Variants in CHN2 observed in about 807,000 individuals in gnomAD.
CHN2 encodes the protein beta-chimaerin.
In CHN2, 35 loss-of-function variants were observed where a neutral mutation model predicts 56.3. The observed-to-expected ratio is 0.62, with a 90% CI of 0.47 to 0.82. The LOEUF (loss-of-function observed/expected upper bound fraction) is 0.82, where lower values mean the gene tolerates loss of function less well. CHN2 is among the 40% of genes least tolerant of loss of function. The pLI, the probability that CHN2 is intolerant of heterozygous loss-of-function variation, is 0.00. For synonymous variants in CHN2, 210 were observed against 212.8 expected (o/e 0.99, Z 0.12); for missense variants, 491 against 580.5 (o/e 0.85, Z 1.58).
chr7:29,356,641 C>T (rs373038483), intron 2 of CHN2, among the ~76,000 whole-genome samples: 1 of 152,174 alleles, frequency 6.6e-6, no homozygotes, highest in African/African-American at 2.4e-5. Flanking sequence ...TTTATCTCTC[C>T]TTGTCAGCAC....
At chr7:29,256,814 GC>G (rs987986303) in intron 1 of CHN2, among the ~76,000 whole-genome samples, 2 of 151,854 alleles carry the variant, frequency 1.3e-5, no homozygotes, top group African/African-American at 2.4e-5. Context: ...GGAACCGATC[GC>G]CCCCCCACCA....
chr7:29,509,057 G>T (rs908044226), intron 11 of CHN2, among the ~76,000 whole-genome samples: 2 of 152,154 alleles, frequency 1.3e-5, no homozygotes, highest in African/African-American at 4.8e-5. Flanking sequence ...TTCATGGAGG[G>T]CAAGGACAGT....
intron 1 of CHN2, among the ~76,000 whole-genome samples, chr7:29,350,032 CTTTAT>C (rs532878617): frequency 5.9e-5 from 9 of 152,100 alleles, no homozygotes; most frequent in African/African-American, 1.4e-4. Flanking sequence ...AATTTTCTTT[CTTTAT>C]TTTATTTTTT....
At chr7:29,414,088 C>T (rs997719153) in intron 6 of CHN2, among the ~76,000 whole-genome samples, 5 of 152,144 alleles carry the variant, frequency 3.3e-5, no homozygotes, top group Non-Finnish European at 5.9e-5. Context: ...CTCTGTATAC[C>T]TTTACTATAT....
chr7:29,271,072 C>T lies in CHN2; in HGVS notation c.49+76082C>T, dbSNP rs114443452. 7.9e-3 allele frequency among the ~76,000 whole-genome samples: 1,209 copies of T among 152,200 alleles called. 13 individuals carry two copies. The highest frequency in any genetic ancestry group is 0.028 in the African/African-American group (1,150 of 41,522). On this transcript the variant is annotated intron_variant, in intron 1 of 12. Transcript: ENST00000222792. The stretch of plus-strand genomic sequence containing the variant: ...GTGAGACAGTTCCCAGGATTCAAAA[C>T]TCTGCCAAACAGAAACGATTAACCT...
At chr7:29,484,390 G>A (rs1787716289) in intron 7 of CHN2, among the ~76,000 whole-genome samples, 1 of 152,196 alleles carries the variant, frequency 6.6e-6, no homozygotes, top group South Asian at 2.1e-4. Context: ...TTTGAAGGCT[G>A]GGAAGTCTGA....
At chr7:29,397,811 A>G (rs946803971) in intron 4 of CHN2, 1 of 152,394 alleles carries the variant, frequency 6.6e-6, no homozygotes, top group Non-Finnish European at 1.5e-5. Context: ...TCTTTAAAAA[A>G]GAAAAATAGG....
chr7:29,334,341 A>G (rs1014089163), intron 1 of CHN2, among the ~76,000 whole-genome samples: 2 of 152,126 alleles, frequency 1.3e-5, no homozygotes, highest in Non-Finnish European at 2.9e-5. Flanking sequence ...TCAATTTCAT[A>G]GTGACTATTT....
At chr7:29,401,503 G>A (rs940243325) in intron 6 of CHN2, among the ~76,000 whole-genome samples, 12 of 152,088 alleles carry the variant, frequency 7.9e-5, no homozygotes, top group African/African-American at 2.7e-4. Context: ...CCACCCAGCC[G>A]GCCAAATACG....
At chr7:29,398,761 A>AT (rs61569425) in intron 5 of CHN2, among the ~76,000 whole-genome samples, 409 of 120,298 alleles carry the variant, frequency 3.4e-3, no homozygotes, top group South Asian at 3.8e-3. Context: ...TGACTGGCTA[A>AT]TTTTTTTTTT....
Position 29,512,670 on chromosome 7 carries a change from C to T in CHN2, c.1342C>T (p.His448Tyr), listed in dbSNP as rs1314050603. ...PPEDSTLTTL[H>Y]DMRYQKLIVQ... ...TGAGGACAGCACCCTGACCACCCTG[C>T]ATGATATGCGGTACCAAAAGCTGAT... is the stretch of plus-strand genomic sequence containing the variant. The change falls in exon 13 of 13, where the codon CAT becomes TAT. Residue 448 changes from histidine to tyrosine, a missense_variant. His to Tyr is a moderately conservative substitution (Grantham distance 83). Transcript: ENST00000222792. 1.2e-6 allele frequency: 2 copies of T among 1,614,148 alleles called. No homozygotes were observed. The highest frequency in any genetic ancestry group is 1.1e-5 in the South Asian group (1 of 91,082).
chr7:29,227,939 T>G, intron 1 of CHN2, among the ~76,000 whole-genome samples: 1 of 152,136 alleles, frequency 6.6e-6, no homozygotes, highest in East Asian at 1.9e-4. Context: ...AAATCAAGAT[T>G]GAAAAATCTT....
rs565962676 is a variant in CHN2 at position 29,357,911 on chromosome 7, T to C, written c.88+3248T>C. The stretch of plus-strand genomic sequence containing the variant: ...AATTACCAAGCCTTTCTCTTTGAAA[T>C]GTTCACAAATTATCCTTTGAGAGGT... On this transcript the variant is annotated intron_variant, in intron 2 of 12. Transcript: ENST00000222792. 3.3e-5 allele frequency among the ~76,000 whole-genome samples: 5 copies of C among 152,358 alleles called. No homozygotes were observed. In the South Asian group the frequency reaches 1.0e-3, roughly 32 times the overall value.
chr7:29,497,040 T>C (rs989490808), intron 8 of CHN2, among the ~76,000 whole-genome samples: 1 of 152,194 alleles, frequency 6.6e-6, no homozygotes, highest in African/African-American at 2.4e-5. Context: ...TAAGTCCTCC[T>C]CTCTGCCTGG....
intron 6 of CHN2, among the ~76,000 whole-genome samples, chr7:29,467,290 G>A (rs1055606212): frequency 1.4e-4 from 21 of 152,192 alleles, no homozygotes; most frequent in African/African-American, 5.1e-4. Flanking sequence ...TTCCTAAGAT[G>A]ATTTTAACAG....
intron 3 of CHN2, among the ~76,000 whole-genome samples, chr7:29,390,197 G>A (rs1162732929): frequency 6.6e-6 from 1 of 152,178 alleles, no homozygotes; most frequent in Non-Finnish European, 1.5e-5. Flanking sequence ...TGTAAAGAGA[G>A]GTGTTCCTTT....
At position 29,400,537 on chromosome 7, in the gene CHN2, G is replaced by A. The variant is rs759340406; in HGVS notation, c.291-6G>A. Reference sequence around the variant, plus strand: ...TGGTTGTAATCCCTCATTCTCTCACGGGCAGGTTTGGAAACCAGACCTTAA... The same window carrying A: ...TGGTTGTAATCCCTCATTCTCTCACAGGCAGGTTTGGAAACCAGACCTTAA... On this transcript the variant is annotated splice_region_variant and splice_polypyrimidine_tract_variant and intron_variant, in intron 5 of 12. Transcript: ENST00000222792. 4.3e-6 allele frequency: 7 copies of A among 1,612,956 alleles called. No homozygotes were observed. Among genetic ancestry groups the A allele is most frequent in the Non-Finnish European group, 5.9e-6 (7 of 1,179,388 alleles).
intron 1 of CHN2, among the ~76,000 whole-genome samples, chr7:29,276,883 G>A (rs1237560203): frequency 6.6e-6 from 1 of 152,122 alleles, no homozygotes; most frequent in African/African-American, 2.4e-5. Context: ...CATTCAAGGT[G>A]GTATTGGCCA....
intron 1 of CHN2, among the ~76,000 whole-genome samples, chr7:29,266,027 C>G (rs753715366): frequency 2.4e-4 from 36 of 152,072 alleles, no homozygotes; most frequent in Non-Finnish European, 4.3e-4. Flanking sequence ...CATCTTCCCC[C>G]CAAAAAAGAT....
Sources: allele counts gnomAD v4.1 joint callset (sites outside exome capture counted in the v4.1 genomes callset), GRCh38; gene constraint gnomAD v4.1.1; transcripts MANE v1.5; gene names NCBI Gene and HGNC (gene_info 2026-07-23, HGNC 2026-07-21).